Variants in SNAP23 observed in about 807,000 individuals in gnomAD.
The protein encoded by SNAP23 is synaptosomal-associated protein 23.
SNAP23 carries 11 observed loss-of-function variants against 29.0 expected under a neutral mutation model. That is an observed-to-expected ratio of 0.38 (90% CI 0.24 to 0.63). SNAP23 has a LOEUF of 0.63. SNAP23 is among the 20% of genes least tolerant of loss of function. The pLI is 0.58. For synonymous variants in SNAP23, 60 were observed against 82.9 expected, an observed-to-expected ratio of 0.72 and a Z score of 1.50; for missense variants, 220 against 253.9, an observed-to-expected ratio of 0.87 and a Z score of 0.91.
intron 5 of SNAP23, among the ~76,000 whole-genome samples, chr15:42,519,155 A>G (rs112543512): frequency 4.0e-4 from 60 of 150,526 alleles, no homozygotes; most frequent in Admixed American, 1.1e-3. Context: ...CCTAGGTTCA[A>G]CCGATTCTCC....
At chr15:42,504,511 G>C (rs973706502) in intron 1 of SNAP23, among the ~76,000 whole-genome samples, 5 of 152,062 alleles carry the variant, frequency 3.3e-5, no homozygotes, top group Non-Finnish European at 7.4e-5. Context: ...ACATAAATGT[G>C]ACTCATATTC....
chr15:42,523,111 G>A (rs2057464375), intron 5 of SNAP23, among the ~76,000 whole-genome samples: 2 of 150,894 alleles, frequency 1.3e-5, no homozygotes, highest in African/African-American at 4.9e-5. Context: ...CTCCCAAAAT[G>A]CTGAAATTAC....
chr15:42,512,595 T>C (rs2057366163), intron 2 of SNAP23, among the ~76,000 whole-genome samples: 1 of 152,112 alleles, frequency 6.6e-6, no homozygotes, highest in African/African-American at 2.4e-5. Context: ...GGCAGGCTGG[T>C]CTCAAACTTC....
chr15:42,516,571 C>T lies in SNAP23; in HGVS notation c.266+1217C>T, dbSNP rs190405610. On this transcript the variant is annotated intron_variant, in intron 5 of 7. Transcript: ENST00000249647. ...GTCTTGATCTCTTGACCTCATGATCCGCCCGCCTTAACCTCCTCAAGTGCT... is the reference window on the plus strand; with the variant it reads ...GTCTTGATCTCTTGACCTCATGATCTGCCCGCCTTAACCTCCTCAAGTGCT... Among the ~76,000 whole-genome samples the T allele has an allele frequency of 1.0e-3, 155 of 152,192 alleles. 1 individual carries two copies. Among genetic ancestry groups the T allele is most frequent in the African/African-American group, 3.2e-3 (132 of 41,518 alleles).
In SNAP23 at chr15:42,532,958, T is replaced by C. The variant is rs1161809355; in HGVS notation, c.*1480T>C. The C allele has an allele frequency of 6.5e-6, 1 of 152,694 alleles. No homozygotes were observed. Among genetic ancestry groups the C allele is most frequent in the Non-Finnish European group, 1.5e-5 (1 of 68,048 alleles). 9.5% of individuals were successfully genotyped at this position (152,694 alleles called of 1,614,324 possible). On this transcript the variant is annotated 3_prime_UTR_variant, in exon 8 of 8. Coordinates refer to ENST00000249647, the MANE Select transcript of SNAP23 (RefSeq NM_003825.4). Reference sequence around the variant, plus strand: ...GAACATCTGATTGGTATTTGTCACATTTATTTTAAAATTAGCATCTGAACA... The same window carrying C: ...GAACATCTGATTGGTATTTGTCACACTTATTTTAAAATTAGCATCTGAACA...
chr15:42,525,595 C>T (rs868160286), intron 5 of SNAP23, among the ~76,000 whole-genome samples: 18 of 148,406 alleles, frequency 1.2e-4, no homozygotes, highest in South Asian at 8.8e-4. Flanking sequence ...TCCTGAGTTG[C>T]GGGGACTGCA....
chr15:42,494,264 A>C (rs1335135773), upstream of SNAP23, among the ~76,000 whole-genome samples: 2 of 152,012 alleles, frequency 1.3e-5, no homozygotes, highest in Non-Finnish European at 2.9e-5. Context: ...TGTTTTTTTC[A>C]ACCCCAGCAT....
Position 42,515,223 on chromosome 15 carries a change from C to T in SNAP23, c.149-14C>T. 1 of 1,523,376 alleles carries T rather than the reference C, an allele frequency of 6.6e-7. No individual in the cohort carries two copies. The highest frequency in any genetic ancestry group is 9.0e-7 in the Non-Finnish European group (1 of 1,114,390). The allele number at this position is 1,523,376 out of a possible 1,614,324, so 94.4% of individuals were successfully genotyped here. ...AATGGAACACAAAGTGTTAACTTCACAACTTATTCTTAGAACAACTAAACC... is the reference window on the plus strand; with the variant it reads ...AATGGAACACAAAGTGTTAACTTCATAACTTATTCTTAGAACAACTAAACC... On this transcript the variant is annotated splice_polypyrimidine_tract_variant and intron_variant, in intron 4 of 7. Transcript: ENST00000249647.
In SNAP23 at chr15:42,524,374, C is replaced by G. The variant is rs190243153; in HGVS notation, c.267-3888C>G. Among the ~76,000 whole-genome samples the G allele has an allele frequency of 1.7e-3, 262 of 152,206 alleles. 3 individuals carry two copies. Among genetic ancestry groups the G allele is most frequent in the African/African-American group, 5.8e-3 (240 of 41,522 alleles). On this transcript the variant is annotated intron_variant, in intron 5 of 7. Transcript: ENST00000249647. Reference sequence around the variant, plus strand: ...GTGTTCTACAGCAGGGGCCCTCAACCCCCCCAGCCATGGACCACTATTGGT... The same window carrying G: ...GTGTTCTACAGCAGGGGCCCTCAACGCCCCCAGCCATGGACCACTATTGGT...
At chr15:42,529,872 G>A in intron 7 of SNAP23, 53 bp downstream of exon 7, 1 of 1,581,594 alleles carries the variant, frequency 6.3e-7, no homozygotes, top group Non-Finnish European at 8.6e-7. Flanking sequence ...CAGTGTTTCA[G>A]TAATAGACAT....
upstream of SNAP23, among the ~76,000 whole-genome samples, chr15:42,494,933 G>C (rs749871407): frequency 5.3e-5 from 8 of 152,126 alleles, no homozygotes; most frequent in Non-Finnish European, 1.0e-4. Flanking sequence ...CTCTTCAATA[G>C]CTTTCAGTGC....
intron 5 of SNAP23, among the ~76,000 whole-genome samples, chr15:42,526,012 T>C (rs2057498570): frequency 6.6e-6 from 1 of 152,198 alleles, no homozygotes; most frequent in Admixed American, 6.5e-5. Flanking sequence ...CCCAAGGTCA[T>C]GTCCCAGTCC....
chr15:42,514,362 G>A (rs1032652552), intron 4 of SNAP23, among the ~76,000 whole-genome samples: 3 of 151,340 alleles, frequency 2.0e-5, no homozygotes, highest in Admixed American at 6.6e-5. Flanking sequence ...GGTTGATGTC[G>A]AACTCTTGAC....
rs777584882 is a variant in SNAP23, at chr15:42,528,353, G to C, written c.358G>C (p.Gly120Arg). Residue 120 changes from glycine to arginine, a missense_variant, in exon 6 of 8, where the codon GGC (glycine) becomes CGC (arginine). By Grantham distance (125) the Gly-to-Arg change is moderately radical. Coordinates refer to ENST00000249647, the MANE Select transcript of SNAP23 (RefSeq NM_003825.4). Reference sequence around the variant, plus strand: ...TTGCAATGTAGTATCTAAACAGCCAGGCCCGGTGACAAATGGTCAGCTTCA... The same window carrying C: ...TTGCAATGTAGTATCTAAACAGCCACGCCCGGTGACAAATGGTCAGCTTCA... ...SPCNVVSKQP[G>R]PVTNGQLQQP... 6.2e-7 allele frequency: 1 copy of C among 1,614,162 alleles called. No individual in the cohort carries two copies. Among genetic ancestry groups the C allele is most frequent in the East Asian group, 2.2e-5 (1 of 44,876 alleles).
intron 4 of SNAP23, among the ~76,000 whole-genome samples, chr15:42,514,037 A>G (rs1005602683): frequency 2.2e-4 from 33 of 150,672 alleles, no homozygotes; most frequent in African/African-American, 7.6e-4. Context: ...CTGGTCTCGA[A>G]CTCCTAACCT....
At chr15:42,510,746 A>T (rs1026381551) in intron 1 of SNAP23, among the ~76,000 whole-genome samples, 7 of 152,190 alleles carry the variant, frequency 4.6e-5, no homozygotes, top group Non-Finnish European at 1.0e-4. Flanking sequence ...GAGTATATCC[A>T]TGGCAAGGTT....
At chr15:42,513,981 G>A (rs893526926) in intron 4 of SNAP23, among the ~76,000 whole-genome samples, 2 of 140,722 alleles carry the variant, frequency 1.4e-5, no homozygotes, top group Non-Finnish European at 3.2e-5. Context: ...ACCCGGCTAA[G>A]TTTTTGTATT....
intron 1 of SNAP23, among the ~76,000 whole-genome samples, chr15:42,511,354 T>A (rs1490138112): frequency 6.6e-6 from 1 of 152,214 alleles, no homozygotes; most frequent in Non-Finnish European, 1.5e-5. Flanking sequence ...CCAGTGAGTG[T>A]CCTGGACAAC....
chr15:42,514,645 T>C (rs73404728), intron 4 of SNAP23, among the ~76,000 whole-genome samples: 3,723 of 152,116 alleles, frequency 0.024, 150 homozygotes, highest in African/African-American at 0.083. Context: ...TACCCTTAAC[T>C]TGGTTGTAAG....
Sources: gnomAD v4.1 joint callset for allele counts (sites outside exome capture counted in the v4.1 genomes callset) on GRCh38, gnomAD v4.1.1 for gene constraint, MANE v1.5 for transcripts, NCBI Gene and HGNC (gene_info 2026-07-23, HGNC 2026-07-21) for gene names.